Variants in PRKN observed in about 807,000 individuals in gnomAD.
PRKN encodes E3 ubiquitin-protein ligase parkin.
Under a neutral mutation model 59.5 loss-of-function variants are expected in PRKN, and 56 were observed. The ratio of observed to expected loss-of-function variants is 0.94; its 90% CI spans 0.76 to 1.18. The LOEUF is 1.18. Ranked by LOEUF, PRKN falls within the 50% of genes most tolerant of loss-of-function variation. The pLI, the probability that PRKN is intolerant of heterozygous loss-of-function variation, is 0.00. For missense variants in PRKN, 657 were observed against 596.4 expected (o/e 1.10, Z -1.06); for synonymous variants, 250 against 222.1 (o/e 1.13, Z -1.12).
chr6:161,931,707 T>C (rs1337911285), intron 6 of PRKN, among the ~76,000 whole-genome samples: 3 of 152,208 alleles, frequency 2.0e-5, no homozygotes, highest in African/African-American at 7.2e-5. Context: ...AGGGTTTCTC[T>C]GAGTTTTAAA....
intron 6 of PRKN, among the ~76,000 whole-genome samples, chr6:161,908,965 G>T (rs761341409): frequency 3.3e-5 from 5 of 152,018 alleles, no homozygotes; most frequent in Non-Finnish European, 5.9e-5. Flanking sequence ...AATACAAAAT[G>T]ATTAAAAAAA....
At chr6:162,583,672 G>C (rs1780880507) in intron 1 of PRKN, among the ~76,000 whole-genome samples, 1 of 152,120 alleles carries the variant, frequency 6.6e-6, no homozygotes, top group African/African-American at 2.4e-5. Context: ...CCATTCTAAA[G>C]AGTTATCCCT....
intron 1 of PRKN, among the ~76,000 whole-genome samples, chr6:162,450,346 C>A (rs779830663): frequency 4.8e-4 from 44 of 91,300 alleles, no homozygotes; most frequent in African/African-American, 1.2e-3. Context: ...TGATTGTAAT[C>A]CCCCTGTGAA....
At position 162,088,290 on chromosome 6, in the gene PRKN, C is replaced by T. The variant is rs1398035416; in HGVS notation, c.535-34116G>A. Among the ~76,000 whole-genome samples the T allele has an allele frequency of 2.0e-5, 3 of 152,262 alleles. No homozygotes were observed. The East Asian group carries it at 5.8e-4, about 29-fold the overall frequency. Reference sequence around the variant, plus strand: ...AAAGGGGTGAGAGCTAGGGTCATCACGTGACCTCATTATCCTTATTATCTC... The same window carrying T: ...AAAGGGGTGAGAGCTAGGGTCATCATGTGACCTCATTATCCTTATTATCTC... On this transcript the variant is annotated intron_variant, in intron 4 of 11. Coordinates refer to ENST00000366898, the MANE Select transcript of PRKN (RefSeq NM_004562.3).
At chr6:162,549,267 A>G (rs1027343311) in intron 1 of PRKN, among the ~76,000 whole-genome samples, 3 of 152,148 alleles carry the variant, frequency 2.0e-5, no homozygotes, top group Non-Finnish European at 2.9e-5. Flanking sequence ...TCCAGCCTCC[A>G]GCAGTGTGAG....
At chr6:162,569,382 G>T in intron 1 of PRKN, 1 of 659,314 alleles carries the variant, frequency 1.5e-6, no homozygotes. Flanking sequence ...GACATGGCGT[G>T]GCAGCTGCAT....
Position 162,010,802 on chromosome 6 carries a change from T to A in PRKN, c.619-37385A>T, listed in dbSNP as rs1423574898. ...ATATTATATAATATATTATATAATATATATTATATAATGTATAATATATAC... is the reference window on the plus strand; with the variant it reads ...ATATTATATAATATATTATATAATAAATATTATATAATGTATAATATATAC... On this transcript the variant is annotated intron_variant, in intron 5 of 11. Transcript: ENST00000366898. Among the ~76,000 whole-genome samples, 4 of 10,042 alleles carry A rather than the reference T, an allele frequency of 4.0e-4. 1 individual carries two copies. The highest frequency in any genetic ancestry group is 3.9e-4 in the Non-Finnish European group (3 of 7,756). The allele number at this position is 10,042 out of a possible 152,430, so 6.6% of individuals were successfully genotyped here.
rs116066958 is a variant in PRKN, at chr6:161,427,136, A to C, written c.1084-40259T>G. On this transcript the variant is annotated intron_variant, in intron 9 of 11. Coordinates refer to ENST00000366898, the MANE Select transcript of PRKN (RefSeq NM_004562.3). ...CCAGTTCAAGCAATCCTCCCACCTC[A>C]GCCTCCCTGGTAGCTGGGACTACTG... Among the ~76,000 whole-genome samples the C allele has an allele frequency of 5.3e-3, 810 of 152,184 alleles. 10 individuals carry two copies. The highest frequency in any genetic ancestry group is 0.018 in the African/African-American group (764 of 41,522).
intron 2 of PRKN, among the ~76,000 whole-genome samples, chr6:162,358,573 C>T (rs1165736519): frequency 1.3e-5 from 2 of 152,024 alleles, no homozygotes; most frequent in African/African-American, 2.4e-5. Flanking sequence ...TAAGACAATG[C>T]CACATTCATG....
chr6:162,171,085 T>C (rs1783249195), intron 4 of PRKN, among the ~76,000 whole-genome samples: 1 of 151,850 alleles, frequency 6.6e-6, no homozygotes, highest in South Asian at 2.1e-4. Context: ...TCAGAACCAC[T>C]GGGATACTGC....
intron 6 of PRKN, among the ~76,000 whole-genome samples, chr6:161,895,558 C>T (rs1175495642): frequency 6.0e-5 from 7 of 116,142 alleles, no homozygotes; most frequent in African/African-American, 1.9e-4. Flanking sequence ...AGCACGCCCA[C>T]CCCACCTGCC....
intron 2 of PRKN, among the ~76,000 whole-genome samples, chr6:162,406,138 C>T (rs1478151451): frequency 6.6e-6 from 1 of 152,164 alleles, no homozygotes. Flanking sequence ...GTGCCAGGCA[C>T]CAAACTCAAC....
intron 9 of PRKN, among the ~76,000 whole-genome samples, chr6:161,406,604 AG>A (rs147450421): frequency 0.066 from 10,106 of 152,246 alleles, 456 homozygotes; most frequent in South Asian, 0.21. Context: ...TCTTAGTATT[AG>A]CCCGAAGGAA....
rs1248274169 is a variant in PRKN, at chr6:161,498,119, T to C, written c.1083+50735A>G. Among the ~76,000 whole-genome samples the C allele has an allele frequency of 6.6e-6, 1 of 152,118 alleles. No individual in the cohort carries two copies. The highest frequency in any genetic ancestry group is 1.5e-5 in the Non-Finnish European group (1 of 68,030). The stretch of plus-strand genomic sequence containing the variant: ...TAAAGCTCTTATTAGATTGGTTAAA[T>C]TCACATGTGGGAAAAAAGACAAATT... On this transcript the variant is annotated intron_variant, in intron 9 of 11. Coordinates refer to ENST00000366898, the MANE Select transcript of PRKN (RefSeq NM_004562.3). This position sits in a 1 kb window ranked among gnomAD's most constrained non-coding sequence, Gnocchi z 4.2.
intron 1 of PRKN, among the ~76,000 whole-genome samples, chr6:162,510,549 T>TC (rs1483069137): frequency 6.6e-6 from 1 of 152,162 alleles, no homozygotes; most frequent in African/African-American, 2.4e-5. Flanking sequence ...CTCTGAGCCC[T>TC]CCAGGGCCTA....
intron 7 of PRKN, among the ~76,000 whole-genome samples, chr6:161,690,186 C>G (rs892577206): frequency 1.3e-5 from 2 of 152,120 alleles, no homozygotes; most frequent in Non-Finnish European, 2.9e-5. Flanking sequence ...TGTGAGTCCC[C>G]CACTCTCTCT....
intron 7 of PRKN, among the ~76,000 whole-genome samples, chr6:161,770,929 G>A (rs1418859121): frequency 6.6e-6 from 1 of 152,072 alleles, no homozygotes. Flanking sequence ...CAAGGAGAGA[G>A]GCTTCAGGAG....
intron 2 of PRKN, among the ~76,000 whole-genome samples, chr6:162,341,016 C>G (rs935583696): frequency 2.6e-5 from 4 of 151,970 alleles, no homozygotes; most frequent in African/African-American, 9.7e-5. Flanking sequence ...TGCAATCTAT[C>G]TATCTGACAA....
chr6:161,967,727 G>A (rs1254607756), intron 6 of PRKN, among the ~76,000 whole-genome samples: 1 of 152,178 alleles, frequency 6.6e-6, no homozygotes. Context: ...AAAAACCCAA[G>A]TCACAGCTAC....
Sources: allele counts gnomAD v4.1 joint callset (sites outside exome capture counted in the v4.1 genomes callset), GRCh38; gene constraint gnomAD v4.1.1; non-coding constraint Gnocchi (gnomAD v3.1); transcripts MANE v1.5; gene names NCBI Gene and HGNC (gene_info 2026-07-23, HGNC 2026-07-21).